Variants in TENM4 observed in about 807,000 individuals in gnomAD.
The protein encoded by TENM4 is teneurin-4.
In TENM4, 82 loss-of-function variants were observed where a neutral mutation model predicts 243.3. The ratio of observed to expected loss-of-function variants is 0.34; its 90% CI spans 0.28 to 0.40. The LOEUF is 0.40. Among genes scored for constraint, TENM4 ranks in the 10% least tolerant of loss-of-function variants. The pLI is 1.00. For missense variants in TENM4, 3,138 were observed against 3,673.3 expected, an observed-to-expected ratio of 0.85 and a Z score of 3.77; for synonymous variants, 1,412 against 1,456.3, an observed-to-expected ratio of 0.97 and a Z score of 0.69.
chr11:78,717,657 T>C (rs1859553034), intron 25 of TENM4, among the ~76,000 whole-genome samples: 1 of 152,218 alleles, frequency 6.6e-6, no homozygotes, highest in African/African-American at 2.4e-5. Context: ...ACCCAATAAA[T>C]GGCAGCTTTT....
intron 6 of TENM4, among the ~76,000 whole-genome samples, chr11:78,945,448 A>G (rs1480171078): frequency 1.3e-5 from 2 of 152,232 alleles, no homozygotes; most frequent in Non-Finnish European, 2.9e-5. Flanking sequence ...CTGACTGGCC[A>G]TTCCCTGTCT....
intron 17 of TENM4, 61 bp from the exon 18 acceptor site, chr11:78,771,199 C>A: frequency 1.3e-6 from 2 of 1,535,340 alleles, no homozygotes; most frequent in Non-Finnish European, 8.8e-7. Flanking sequence ...ATCACACACA[C>A]TAACACGCTA....
chr11:79,260,179 G>A (rs558278407), intron 2 of TENM4, among the ~76,000 whole-genome samples: 12 of 152,292 alleles, frequency 7.9e-5, no homozygotes, highest in South Asian at 2.1e-4. Context: ...TCGGTGAGCC[G>A]ATAGTCACTT....
chr11:78,919,813 C>T (rs116912487), intron 6 of TENM4, among the ~76,000 whole-genome samples: 1,983 of 152,174 alleles, frequency 0.013, 20 homozygotes, highest in Middle Eastern at 0.027. Flanking sequence ...TCATGCCTAA[C>T]CCGCTGTGCT....
chr11:78,850,058 G>GCT (rs1385087447), intron 12 of TENM4, among the ~76,000 whole-genome samples: 6 of 121,994 alleles, frequency 4.9e-5, no homozygotes, highest in Non-Finnish European at 1.0e-4. Context: ...TGGTTTCAGT[G>GCT]CTCTGTGTGT....
chr11:79,161,342 A>G (rs1675788215), intron 3 of TENM4, among the ~76,000 whole-genome samples: 1 of 152,202 alleles, frequency 6.6e-6, no homozygotes, highest in African/African-American at 2.4e-5. Context: ...CATGGTTGAA[A>G]CGTGTGCCTT....
At chr11:78,831,472 G>A (rs1205113667) in intron 12 of TENM4, among the ~76,000 whole-genome samples, 1 of 152,232 alleles carries the variant, frequency 6.6e-6, no homozygotes. Flanking sequence ...GGTAATAAAT[G>A]CGTAAAGCCC....
chr11:79,078,342 C>G lies in TENM4; in HGVS notation c.-65-8333G>C, dbSNP rs1860583301. On this transcript the variant is annotated intron_variant, in intron 4 of 33. Transcript: ENST00000278550. ...AAATGTGTTCCACAAAATATAAGTC[C>G]TGGGTAGCATCTGTGTGTGTGTGTG... is the stretch of plus-strand genomic sequence containing the variant. Among the ~76,000 whole-genome samples, 3 of 152,108 alleles carry G rather than the reference C, an allele frequency of 2.0e-5. No homozygotes were observed. The South Asian group carries it at 6.2e-4, about 32-fold the overall frequency.
chr11:79,107,877 AC>A (rs1861411728), intron 4 of TENM4, among the ~76,000 whole-genome samples: 1 of 152,180 alleles, frequency 6.6e-6, no homozygotes, highest in Non-Finnish European at 1.5e-5. Flanking sequence ...AAATCAGATA[AC>A]TTGTCTGAGG....
intron 6 of TENM4, among the ~76,000 whole-genome samples, chr11:78,912,672 G>C (rs948813693): frequency 6.6e-6 from 1 of 152,208 alleles, no homozygotes; most frequent in African/African-American, 2.4e-5. Context: ...GGATAGGACT[G>C]GGGGAGAGTG....
chr11:78,903,714 A>G (rs1855995248), intron 6 of TENM4, 191 bp from the exon 7 acceptor site: 11 of 931,484 alleles, frequency 1.2e-5, no homozygotes, highest in Non-Finnish European at 1.8e-5. Flanking sequence ...GGGATACCTT[A>G]ACCAACTAAA....
At chr11:79,346,397 A>C (rs886826023) in intron 1 of TENM4, among the ~76,000 whole-genome samples, 1 of 152,178 alleles carries the variant, frequency 6.6e-6, no homozygotes, top group Non-Finnish European at 1.5e-5. Context: ...ACAGATGCTT[A>C]TCATGCTGTC....
chr11:79,020,373 G>C (rs116762235), intron 6 of TENM4, among the ~76,000 whole-genome samples: 3,220 of 152,194 alleles, frequency 0.021, 112 homozygotes, highest in African/African-American at 0.073. Context: ...TATCTCATTT[G>C]GCAATTCTAT....
intron 6 of TENM4, chr11:78,924,577 CTG>C: frequency 6.6e-6 from 1 of 152,290 alleles, no homozygotes; most frequent in Admixed American, 6.5e-5. Context: ...CTGTATTAGA[CTG>C]TAGTGAGTGT....
At chr11:78,767,227 T>C (rs1856557044) in intron 18 of TENM4, among the ~76,000 whole-genome samples, 1 of 152,188 alleles carries the variant, frequency 6.6e-6, no homozygotes, top group Non-Finnish European at 1.5e-5. Flanking sequence ...CGGCCAGCTG[T>C]GTGACTTCTG....
intron 6 of TENM4, among the ~76,000 whole-genome samples, chr11:79,042,683 C>G (rs1014007486): frequency 6.6e-6 from 1 of 152,170 alleles, no homozygotes; most frequent in Non-Finnish European, 1.5e-5. Context: ...AAGACATGCC[C>G]CAGTCAAAAT....
chr11:78,901,872 C>G (rs1173040816), intron 7 of TENM4, among the ~76,000 whole-genome samples: 1 of 152,158 alleles, frequency 6.6e-6, no homozygotes, highest in Non-Finnish European at 1.5e-5. Flanking sequence ...GGCTGCATCT[C>G]TAAGAATTTT....
At chr11:79,361,590 A>T (rs1436909445) in intron 1 of TENM4, among the ~76,000 whole-genome samples, 1 of 152,166 alleles carries the variant, frequency 6.6e-6, no homozygotes, top group Non-Finnish European at 1.5e-5. Flanking sequence ...TAAATAGTCC[A>T]TTCATTGAAC....
intron 1 of TENM4, among the ~76,000 whole-genome samples, chr11:79,433,718 C>T (rs1458983825): frequency 6.6e-6 from 1 of 152,168 alleles, no homozygotes; most frequent in Non-Finnish European, 1.5e-5. Flanking sequence ...GACCACTGCT[C>T]TGGAGATCCC....
Sources: gnomAD v4.1 joint callset for allele counts (sites outside exome capture counted in the v4.1 genomes callset) on GRCh38, gnomAD v4.1.1 for gene constraint, MANE v1.5 for transcripts, NCBI Gene and HGNC (gene_info 2026-07-23, HGNC 2026-07-21) for gene names.